The following PLGRKT variants were observed in gnomAD, a reference collection of about 807,000 sequenced individuals.
PLGRKT encodes the protein plasminogen receptor with a C-terminal lysine, also known as plasminogen receptor (KT).
Under a neutral mutation model 18.5 loss-of-function variants are expected in PLGRKT, and 22 were observed. That is an observed-to-expected ratio of 1.19 (90% CI 0.85 to 1.70). PLGRKT has a LOEUF of 1.70. PLGRKT is among the 40% of genes most tolerant of loss of function. PLGRKT has a pLI of 0.00. For synonymous variants in PLGRKT, 72 were observed against 52.8 expected (o/e 1.36, Z -1.58); for missense variants, 235 against 174.4 (o/e 1.35, Z -1.96).
intron 3 of PLGRKT, among the ~76,000 whole-genome samples, chr9:5,370,025 A>G (rs1478331884): frequency 2.0e-5 from 3 of 152,146 alleles, no homozygotes; most frequent in Non-Finnish European, 2.9e-5. Context: ...CCACCATGGC[A>G]CTATGTAACA....
chr9:5,380,232 G>A (rs1004133155), intron 3 of PLGRKT, among the ~76,000 whole-genome samples: 1 of 151,926 alleles, frequency 6.6e-6, no homozygotes, highest in Non-Finnish European at 1.5e-5. Context: ...AGGCGTGGTG[G>A]TGGGCACCTG....
chr9:5,413,621 A>T (rs1818405911), intron 3 of PLGRKT, among the ~76,000 whole-genome samples: 1 of 152,112 alleles, frequency 6.6e-6, no homozygotes, highest in Admixed American at 6.5e-5. Context: ...AAGGCAAGGA[A>T]AGAGGTTTTC....
At chr9:5,399,808 G>A (rs569397988) in intron 3 of PLGRKT, among the ~76,000 whole-genome samples, 3 of 151,716 alleles carry the variant, frequency 2.0e-5, no homozygotes, top group Non-Finnish European at 2.9e-5. Flanking sequence ...TGGCCAACAT[G>A]GCTAAACTAC....
At chr9:5,417,308 A>G (rs1818481159) in intron 3 of PLGRKT, among the ~76,000 whole-genome samples, 1 of 152,226 alleles carries the variant, frequency 6.6e-6, no homozygotes, top group Admixed American at 6.5e-5. Context: ...ACCTCATACC[A>G]AGACAGCTGG....
intron 3 of PLGRKT, among the ~76,000 whole-genome samples, chr9:5,390,206 T>C (rs1161565408): frequency 6.9e-6 from 1 of 145,024 alleles, no homozygotes; most frequent in African/African-American, 2.5e-5. Flanking sequence ...TGAATGTGTA[T>C]ATGTGTGTGC....
At chr9:5,433,460 C>G (rs72498507) in intron 2 of PLGRKT, among the ~76,000 whole-genome samples, 3 of 149,394 alleles carry the variant, frequency 2.0e-5, no homozygotes, top group Non-Finnish European at 4.5e-5. Flanking sequence ...CCGGCCGCCA[C>G]CCCGTCTAGG....
intron 3 of PLGRKT, among the ~76,000 whole-genome samples, chr9:5,426,172 C>G (rs1358430140): frequency 1.3e-5 from 2 of 152,130 alleles, no homozygotes; most frequent in Non-Finnish European, 2.9e-5. Context: ...CCAGCCTTAG[C>G]TATTTGGGTT....
intron 3 of PLGRKT, among the ~76,000 whole-genome samples, chr9:5,422,693 TTATATC>T (rs962805636): frequency 1.4e-4 from 22 of 152,308 alleles, no homozygotes; most frequent in East Asian, 3.9e-4. Context: ...CTAAATATGG[TTATATC>T]TATATCTGTT....
chr9:5,436,068 C>T (rs1277717562), intron 2 of PLGRKT, among the ~76,000 whole-genome samples: 2 of 152,208 alleles, frequency 1.3e-5, no homozygotes, highest in African/African-American at 4.8e-5. Flanking sequence ...ATTTCCCTCC[C>T]CTTCTGCCAC....
At chr9:5,358,999 TA>T (rs1817200397) in intron 5 of PLGRKT, among the ~76,000 whole-genome samples, 1 of 152,184 alleles carries the variant, frequency 6.6e-6, no homozygotes, top group Non-Finnish European at 1.5e-5. Flanking sequence ...TTACATTTTA[TA>T]AGCCTCCCTT....
At chr9:5,423,155 T>C (rs1818610311) in intron 3 of PLGRKT, among the ~76,000 whole-genome samples, 1 of 152,176 alleles carries the variant, frequency 6.6e-6, no homozygotes, top group Admixed American at 6.5e-5. Flanking sequence ...GAATTCTCAG[T>C]TCCTAACACA....
At chr9:5,419,359 G>C (rs1430263560) in intron 3 of PLGRKT, among the ~76,000 whole-genome samples, 1 of 152,174 alleles carries the variant, frequency 6.6e-6, no homozygotes, top group Non-Finnish European at 1.5e-5. Flanking sequence ...TACGTGTTTG[G>C]GAGGCAAGAG....
At chr9:5,404,052 C>T (rs1329386237) in intron 3 of PLGRKT, among the ~76,000 whole-genome samples, 1 of 152,194 alleles carries the variant, frequency 6.6e-6, no homozygotes, top group African/African-American at 2.4e-5. Flanking sequence ...TTCCTGGACA[C>T]ATACACCCTT....
intron 3 of PLGRKT, among the ~76,000 whole-genome samples, chr9:5,363,169 G>C (rs997750914): frequency 6.6e-6 from 1 of 151,816 alleles, no homozygotes; most frequent in African/African-American, 2.4e-5. Flanking sequence ...TGGCTGGGTG[G>C]GGAAGGCCAC....
chr9:5,368,903 T>C (rs1042550082), intron 3 of PLGRKT, among the ~76,000 whole-genome samples: 7 of 152,256 alleles, frequency 4.6e-5, no homozygotes, highest in South Asian at 2.1e-4. Context: ...TGGCTAGCCA[T>C]ATGCAGAAAA....
At chr9:5,372,165 G>C (rs1276034794) in intron 3 of PLGRKT, among the ~76,000 whole-genome samples, 1 of 151,632 alleles carries the variant, frequency 6.6e-6, no homozygotes, top group Non-Finnish European at 1.5e-5. Context: ...TATTTTTATA[G>C]AGATGGGGTT....
In PLGRKT at chr9:5,390,241, G is replaced by GTATA. The variant is rs201045967; in HGVS notation, c.82-28357_82-28354dup. On this transcript the variant is annotated intron_variant, in intron 3 of 5. Transcript: ENST00000223864. ...CGTGTGTGTGTGTGTGTGTGTATGTGTATATATATATATATATTTGCCTTT... is the reference window on the plus strand; with the variant it reads ...CGTGTGTGTGTGTGTGTGTGTATGTGTATATATATATATATATATATTTGCCTTT... Among the ~76,000 whole-genome samples, 570 of 148,522 alleles carry GTATA rather than the reference G, an allele frequency of 3.8e-3. 8 individuals are homozygous for GTATA. Among genetic ancestry groups the GTATA allele is most frequent in the African/African-American group, 0.01 (411 of 40,124 alleles).
At chr9:5,426,025 C>G (rs1818691122) in intron 3 of PLGRKT, among the ~76,000 whole-genome samples, 1 of 152,142 alleles carries the variant, frequency 6.6e-6, no homozygotes. Flanking sequence ...CATGGTATTT[C>G]AATCAGAATC....
At chr9:5,412,501 A>T (rs956156278) in intron 3 of PLGRKT, among the ~76,000 whole-genome samples, 1 of 152,226 alleles carries the variant, frequency 6.6e-6, no homozygotes, top group Non-Finnish European at 1.5e-5. Flanking sequence ...TATAAAACCA[A>T]GCTTTCTTGG....
Sources: gnomAD v4.1 joint callset for allele counts (sites outside exome capture counted in the v4.1 genomes callset) on GRCh38, gnomAD v4.1.1 for gene constraint, MANE v1.5 for transcripts, NCBI Gene and HGNC (gene_info 2026-07-23, HGNC 2026-07-21) for gene names.